CCDC74B: variants seen among roughly 807,000 people sequenced by gnomAD.
CCDC74B encodes coiled-coil domain containing 74B, also known as coiled-coil domain-containing protein 74B.
A neutral mutation model predicts 38.0 loss-of-function variants in CCDC74B; 34 were observed. The ratio of observed to expected loss-of-function variants is 0.89; its 90% CI spans 0.68 to 1.19. The LOEUF (loss-of-function observed/expected upper bound fraction) is 1.19, where lower values mean the gene tolerates loss of function less well. Among genes scored for constraint, CCDC74B ranks in the 50% most tolerant of loss-of-function variants. The probability of loss-of-function intolerance (pLI) is 0.00; values close to 1 mark genes in which losing one functional copy is unlikely to be tolerated. For synonymous variants in CCDC74B, 132 were observed against 170.4 expected (o/e 0.77, Z 1.76); for missense variants, 358 against 406.0 (o/e 0.88, Z 1.02).
Position 130,139,408 on chromosome 2 carries a change from T to C in CCDC74B, c.*147A>G. 1.9e-6 allele frequency: 2 copies of C among 1,028,846 alleles called. No homozygotes were observed. The highest frequency in any genetic ancestry group is 2.8e-6 in the Non-Finnish European group (2 of 718,332). 63.7% of individuals were successfully genotyped at this position (1,028,846 alleles called of 1,614,324 possible). On this transcript the variant is annotated 3_prime_UTR_variant, in exon 8 of 8. Transcript: ENST00000409943. Reference sequence around the variant, plus strand: ...CTAGAAAATAAACAGTTTGTCAGTTTGGAGATCAAGTACTTTATCTATCTT... The same window carrying C: ...CTAGAAAATAAACAGTTTGTCAGTTCGGAGATCAAGTACTTTATCTATCTT...
chr2:130,143,311 G>A lies in CCDC74B; in HGVS notation c.253C>T (p.Leu85Phe). 6.2e-7 allele frequency: 1 copy of A among 1,613,970 alleles called. No individual in the cohort carries two copies. The highest frequency in any genetic ancestry group is 8.5e-7 in the Non-Finnish European group (1 of 1,179,854). The change falls in exon 2 of 8, where the codon CTC (leucine) becomes TTC (phenylalanine). Residue 85 changes from leucine to phenylalanine, a missense_variant and splice_region_variant. Physicochemically the swap from Leu to Phe is conservative, Grantham distance 22. Transcript: ENST00000409943. ...TGATTCATTATGAGCTTGTAACGGAGATCTGAAAGCAAGCACACGCTCTCC... is the reference window on the plus strand; with the variant it reads ...TGATTCATTATGAGCTTGTAACGGAAATCTGAAAGCAAGCACACGCTCTCC... ...IEHLKRENKD[L>F]RYKLIMNQTS...
At chr2:130,142,003 G>A (rs1685663754) in intron 3 of CCDC74B, 130 bp downstream of exon 3, 45 of 1,435,720 alleles carry the variant, frequency 3.1e-5, no homozygotes, top group Non-Finnish European at 4.0e-5. Flanking sequence ...CTTTTCAGCT[G>A]CACCTTCATC....
chr2:130,142,982 T>C, intron 2 of CCDC74B: 1 of 1,508,894 alleles, frequency 6.6e-7, no homozygotes, highest in Non-Finnish European at 8.9e-7. Flanking sequence ...TTCCTTCCCA[T>C]TTCAGCTCTA....
chr2:130,143,760 T>A (rs1193216517), intron 1 of CCDC74B, among the ~76,000 whole-genome samples: 3 of 151,856 alleles, frequency 2.0e-5, no homozygotes, highest in African/African-American at 2.4e-5. Flanking sequence ...CGCCTGGTGA[T>A]GGGATACTCG....
In CCDC74B at chr2:130,140,223, G is replaced by A; in HGVS notation, c.634C>T (p.Leu212Phe). The change falls in exon 5 of 8, where the codon CTC becomes TTC. Residue 212 changes from leucine to phenylalanine, a missense_variant. Physicochemically the swap from Leu to Phe is conservative, Grantham distance 22. Transcript: ENST00000409943. ...TTGGTATTCCACAGCTCGCGGATGAGCACTTCGCACTGCCTAAGTGTGGTG... is the reference window on the plus strand; with the variant it reads ...TTGGTATTCCACAGCTCGCGGATGAACACTTCGCACTGCCTAAGTGTGGTG... ...KPTTLRQCEVLIRELWNTNLL... is the reference protein window; with the variant it reads ...KPTTLRQCEVFIRELWNTNLL... The A allele has an allele frequency of 1.9e-6, 3 of 1,613,454 alleles. No individual in the cohort carries two copies. The highest frequency in any genetic ancestry group is 2.2e-5 in the South Asian group (2 of 91,060).
rs1199745088 is a variant in CCDC74B, at chr2:130,145,053, CG to C, written c.-58del. 8 of 1,400,654 alleles carry C rather than the reference CG, an allele frequency of 5.7e-6. No individual in the cohort carries two copies. The highest frequency in any genetic ancestry group is 7.4e-6 in the Non-Finnish European group (8 of 1,074,440). 86.8% of individuals were successfully genotyped at this position (1,400,654 alleles called of 1,614,324 possible). ...CTGCACCCCGGCTCAGTGGCCAGGC[CG>C]CCCTAGCCTGGCGCCCCGTCACCAT... On this transcript the variant is annotated 5_prime_UTR_variant, in exon 1 of 8. It introduces an in-frame stop codon into an upstream open reading frame of the 5' UTR. Transcript: ENST00000409943.
Position 130,141,223 on chromosome 2 carries a change from C to G in CCDC74B, c.420G>C (p.Leu140=). The change falls in exon 4 of 8, where the codon CTG becomes CTC. Residue 140 remains leucine (L), a synonymous_variant. Transcript: ENST00000409943. ...SKADVPQKAD[L]EEEPLLHNSK... The stretch of plus-strand genomic sequence containing the variant: ...TGTTGTGAAGTAGGGGCTCCTCTTC[C>G]AGGTCCGCCTTCTGGGGGACGTCAG... 6.2e-7 allele frequency: 1 copy of G among 1,612,400 alleles called. No homozygotes were observed.
chr2:130,144,675 T>G, intron 1 of CCDC74B, 72 bp downstream of exon 1: 2 of 1,578,776 alleles, frequency 1.3e-6, no homozygotes, highest in Non-Finnish European at 1.7e-6. Context: ...GCTGTGTTTC[T>G]GTGCTGCGGG....
At position 130,144,940 on chromosome 2, in the gene CCDC74B, G is replaced by C. The variant is rs1285631841; in HGVS notation, c.57C>G (p.Gly19=). Residue 19 remains glycine, a synonymous_variant, in exon 1 of 8, where the codon GGC becomes GGG. Coordinates refer to ENST00000409943, the MANE Select transcript of CCDC74B (RefSeq NM_001258307.2). ...AGGGGCGCTGGCGCCGGCGCCGAGA[G>C]CCCGGGGTCGGCGAGCTGGGGGGCC... ...GTRPPSSPTP[G]SRRRRQRPSV... 6.6e-7 allele frequency: 1 copy of C among 1,511,304 alleles called. No homozygotes were observed. Among genetic ancestry groups the C allele is most frequent in the African/African-American group, 1.4e-5 (1 of 70,876 alleles). The allele number at this position is 1,511,304 out of a possible 1,614,324, so 93.6% of individuals were successfully genotyped here. A position where few individuals can be genotyped will look rare whatever the true frequency, so the allele number is the denominator to read the frequency against.
chr2:130,141,957 CT>C (rs1265237662), intron 3 of CCDC74B, 175 bp downstream of exon 3: 2 of 766,116 alleles, frequency 2.6e-6, no homozygotes, highest in African/African-American at 3.6e-5. Context: ...CCCACCCCCC[CT>C]TAATCCCCTC....
intron 2 of CCDC74B, 128 bp downstream of exon 2, chr2:130,143,141 C>T: frequency 7.2e-6 from 11 of 1,533,482 alleles, no homozygotes; most frequent in African/African-American, 1.4e-5. Flanking sequence ...CTGTCCAGGT[C>T]CCCCAGAACC....
chr2:130,141,025 G>T lies in CCDC74B; in HGVS notation c.485+133C>A, dbSNP rs144783821. 4 of 1,416,514 alleles carry T rather than the reference G, an allele frequency of 2.8e-6. No homozygotes were observed. The East Asian group carries it at 7.1e-5, about 25-fold the overall frequency. 87.7% of individuals were successfully genotyped at this position (1,416,514 alleles called of 1,614,324 possible). A position where few individuals can be genotyped will look rare whatever the true frequency, so the allele number is the denominator to read the frequency against. On this transcript the variant is annotated intron_variant, in intron 4 of 7. Transcript: ENST00000409943. Reference sequence around the variant, plus strand: ...CTGCTATCATGAGCCCTGGAGACAGGCCCCTGGAGCTAGGGGCAGAGCAGT... The same window carrying T: ...CTGCTATCATGAGCCCTGGAGACAGTCCCCTGGAGCTAGGGGCAGAGCAGT...
Position 130,144,755 on chromosome 2 carries a change from T to C in CCDC74B, c.242A>G (p.Glu81Gly). 6.2e-7 allele frequency: 1 copy of C among 1,612,440 alleles called. No individual in the cohort carries two copies. The highest frequency in any genetic ancestry group is 1.1e-5 in the South Asian group (1 of 90,856). Residue 81 changes from glutamate (E) to glycine (G), a missense_variant, in exon 1 of 8, where the codon GAA (glutamate) becomes GGA (glycine). Glu to Gly is a moderately conservative substitution (Grantham distance 98). Around this residue, in one of 3 missense-constraint regions of CCDC74B, gnomAD observed 128 missense variants for 146.7 expected, o/e 0.87. Transcript: ENST00000409943. ...GCCCCGCGCCGGCTCACCCTTGTTT[T>C]CCCGCTTCAGATGCTCGATCTCCTC... is the stretch of plus-strand genomic sequence containing the variant. The part of the protein sequence containing the change: ...LHEEIEHLKR[E>G]NKDLRYKLIM...
At position 130,139,602 on chromosome 2, in the gene CCDC74B, T is replaced by C. The variant is rs1685451436; in HGVS notation, c.898A>G (p.Arg300Gly). Residue 300 changes from arginine to glycine, a missense_variant, in exon 8 of 8, where the codon AGG becomes GGG. Arg to Gly is a moderately radical substitution (Grantham distance 125, BLOSUM62 -2). Around this residue, in one of 3 missense-constraint regions of CCDC74B, gnomAD observed 213 missense variants for 212.3 expected, o/e 1.00. Transcript: ENST00000409943. ...CGCCGTTTCTGCATTGCCTGCAGCC[T>C]CTTCTGCCTCTCGGCAAAGTTGTTC... ...PKNNFAERQK[R>G]LQAMQKRRLH... 1.2e-6 allele frequency: 2 copies of C among 1,613,488 alleles called. No homozygotes were observed. Among genetic ancestry groups the C allele is most frequent in the Non-Finnish European group, 1.7e-6 (2 of 1,179,974 alleles).
intron 1 of CCDC74B, among the ~76,000 whole-genome samples, chr2:130,144,093 T>G (rs1662724152): frequency 2.0e-5 from 3 of 152,168 alleles, no homozygotes; most frequent in Admixed American, 2.0e-4. Context: ...TTCACTGAGC[T>G]GCGCACTCGC....
At chr2:130,144,365 T>C in intron 1 of CCDC74B, 2 of 902,962 alleles carry the variant, frequency 2.2e-6, no homozygotes, top group South Asian at 1.4e-5. Flanking sequence ...GGTCTCGATC[T>C]CCTGACCTCG....
At position 130,139,413 on chromosome 2, in the gene CCDC74B, A is replaced by C. The variant is rs1685435449; in HGVS notation, c.*142T>G. 2.4e-5 allele frequency: 26 copies of C among 1,082,094 alleles called. 1 individual carries two copies. The South Asian group carries it at 4.4e-4, about 18-fold the overall frequency. The allele number at this position is 1,082,094 out of a possible 1,614,324, so 67.0% of individuals were successfully genotyped here. Reference sequence around the variant, plus strand: ...AAATAAACAGTTTGTCAGTTTGGAGATCAAGTACTTTATCTATCTTGAGTG... The same window carrying C: ...AAATAAACAGTTTGTCAGTTTGGAGCTCAAGTACTTTATCTATCTTGAGTG... On this transcript the variant is annotated 3_prime_UTR_variant, in exon 8 of 8. Transcript: ENST00000409943.
Position 130,139,481 on chromosome 2 carries a change from T to C in CCDC74B, c.*74A>G. 4.5e-6 allele frequency: 7 copies of C among 1,542,572 alleles called. No homozygotes were observed. The highest frequency in any genetic ancestry group is 2.3e-5 in the East Asian group (1 of 43,850). On this transcript the variant is annotated 3_prime_UTR_variant, in exon 8 of 8. Coordinates refer to ENST00000409943, the MANE Select transcript of CCDC74B (RefSeq NM_001258307.2). ...TAGCCAGGCCTAAAAGTAGCGGAAG[T>C]GTCAGGAAATGCTATAGAGAGCCAA...
intron 4 of CCDC74B, 43 bp from the exon 5 acceptor site, chr2:130,140,414 G>A (rs758547546): frequency 1.3e-6 from 2 of 1,512,128 alleles, no homozygotes; most frequent in African/African-American, 1.4e-5. Context: ...CTGCCCAGGT[G>A]CGTCTAACCA....
Sources: allele counts gnomAD v4.1 joint callset (sites outside exome capture counted in the v4.1 genomes callset), GRCh38; gene constraint gnomAD v4.1.1; regional missense constraint gnomAD v4.1.1; transcripts MANE v1.5; gene names NCBI Gene and HGNC (gene_info 2026-07-23, HGNC 2026-07-21).